The following DMRT1 variants were observed in gnomAD, a reference collection of about 807,000 sequenced individuals.
DMRT1 encodes doublesex and mab-3 related transcription factor 1.
DMRT1 carries 7 observed loss-of-function variants against 32.3 expected under a neutral mutation model. The observed-to-expected ratio is 0.22, with a 90% CI of 0.12 to 0.41. The LOEUF is 0.41. Among genes scored for constraint, DMRT1 ranks in the 10% least tolerant of loss-of-function variants. DMRT1 has a pLI of 1.00. For missense variants in DMRT1, 625 were observed against 500.5 expected, an observed-to-expected ratio of 1.25 and a Z score of -2.37; for synonymous variants, 278 against 206.1, an observed-to-expected ratio of 1.35 and a Z score of -2.99.
chr9:889,086 C>A (rs1039569027), intron 2 of DMRT1, among the ~76,000 whole-genome samples: 3 of 152,046 alleles, frequency 2.0e-5, no homozygotes, highest in African/African-American at 7.2e-5. Flanking sequence ...TCTTTACGTT[C>A]CCAGGTAATG....
Position 965,812 on chromosome 9 carries a change from G to A in DMRT1, c.968-2173G>A, listed in dbSNP as rs1760552761. Among the ~76,000 whole-genome samples the A allele has an allele frequency of 6.6e-6, 1 of 152,206 alleles. No individual in the cohort carries two copies. Among genetic ancestry groups the A allele is most frequent in the Non-Finnish European group, 1.5e-5 (1 of 68,032 alleles). On this transcript the variant is annotated intron_variant, in intron 4 of 4. Coordinates refer to ENST00000382276, the MANE Select transcript of DMRT1 (RefSeq NM_021951.3). The surrounding 1 kb of genome is among the most constrained non-coding windows in gnomAD (Gnocchi z 4.5). ...AAGGTTGGTGCAGGGGCCAGAGCAC[G>A]CCAGAGTCAGCCTAATCAGTACAGT... is the stretch of plus-strand genomic sequence containing the variant.
At chr9:936,291 C>CAT (rs1280050910) in intron 4 of DMRT1, among the ~76,000 whole-genome samples, 2 of 152,098 alleles carry the variant, frequency 1.3e-5, no homozygotes, top group Admixed American at 1.3e-4. Flanking sequence ...CTTGGTAGGA[C>CAT]ATAGATATTG....
At chr9:887,487 C>A (rs1816977056) in intron 2 of DMRT1, among the ~76,000 whole-genome samples, 1 of 152,314 alleles carries the variant, frequency 6.6e-6, no homozygotes, top group Admixed American at 6.5e-5. Flanking sequence ...CATTCACATT[C>A]AGGGTCTTCA....
At chr9:861,961 G>A (rs1213340742) in intron 2 of DMRT1, among the ~76,000 whole-genome samples, 4 of 150,744 alleles carry the variant, frequency 2.7e-5, no homozygotes, top group African/African-American at 4.9e-5. Flanking sequence ...GGGCAGAGAC[G>A]CTCCTCACTT....
At chr9:953,170 C>T (rs886210851) in intron 4 of DMRT1, among the ~76,000 whole-genome samples, 13 of 152,254 alleles carry the variant, frequency 8.5e-5, no homozygotes, top group Admixed American at 2.0e-4. Flanking sequence ...ATCTTGTTTA[C>T]ATTTTCAGTC....
intron 2 of DMRT1, among the ~76,000 whole-genome samples, chr9:862,252 C>A (rs1315474734): frequency 6.6e-6 from 1 of 152,130 alleles, no homozygotes; most frequent in Non-Finnish European, 1.5e-5. Context: ...GCACTCCCGG[C>A]ACCTCGGGAG....
chr9:931,743 G>C (rs191779116), intron 4 of DMRT1, among the ~76,000 whole-genome samples: 2 of 152,186 alleles, frequency 1.3e-5, no homozygotes, highest in East Asian at 1.9e-4. Flanking sequence ...GTCTTAGAGA[G>C]TATGACCTCA....
At chr9:864,569 G>A (rs1017621041) in intron 2 of DMRT1, among the ~76,000 whole-genome samples, 13 of 145,212 alleles carry the variant, frequency 9.0e-5, no homozygotes, top group Admixed American at 8.8e-4. Flanking sequence ...TGCGATCTCG[G>A]CTCACTGCAA....
intron 4 of DMRT1, among the ~76,000 whole-genome samples, chr9:922,578 G>T (rs1383601501): frequency 6.6e-6 from 1 of 152,202 alleles, no homozygotes; most frequent in Non-Finnish European, 1.5e-5. Context: ...GGAGTACGTG[G>T]TTGGTCGACA....
intron 2 of DMRT1, among the ~76,000 whole-genome samples, chr9:863,101 G>A (rs1052026963): frequency 6.8e-6 from 1 of 146,780 alleles, no homozygotes; most frequent in Non-Finnish European, 1.5e-5. Context: ...GATTGCTTAA[G>A]CTCAGGAGTT....
chr9:897,009 C>T (rs1271643778), intron 3 of DMRT1, among the ~76,000 whole-genome samples: 1 of 151,928 alleles, frequency 6.6e-6, no homozygotes, highest in Non-Finnish European at 1.5e-5. Context: ...GATCTGACTT[C>T]TTGGGCATAT....
chr9:935,506 C>G (rs552548167), intron 4 of DMRT1, among the ~76,000 whole-genome samples: 8 of 152,330 alleles, frequency 5.3e-5, no homozygotes, highest in Middle Eastern at 3.4e-3. Flanking sequence ...GACTCCAGTG[C>G]TAAGCACTTT....
intron 4 of DMRT1, among the ~76,000 whole-genome samples, chr9:922,379 G>A (rs185296449): frequency 7.5e-4 from 114 of 152,292 alleles, no homozygotes; most frequent in African/African-American, 2.6e-3. Context: ...AGTAACAGAT[G>A]CAAGCTGTTC....
chr9:852,028 C>G (rs1010159257), intron 2 of DMRT1, among the ~76,000 whole-genome samples: 1 of 151,344 alleles, frequency 6.6e-6, no homozygotes, highest in African/African-American at 2.4e-5. Context: ...CAACCTCTGC[C>G]TCCTGGGTTC....
intron 3 of DMRT1, among the ~76,000 whole-genome samples, chr9:895,934 A>C (rs1817340605): frequency 6.6e-6 from 1 of 150,460 alleles, no homozygotes; most frequent in Non-Finnish European, 1.5e-5. Context: ...CCTCCCGAGT[A>C]GCTGGGACTA....
chr9:853,093 T>C (rs946685395), intron 2 of DMRT1, among the ~76,000 whole-genome samples: 2 of 152,208 alleles, frequency 1.3e-5, no homozygotes, highest in Non-Finnish European at 2.9e-5. Flanking sequence ...AACAATTTTT[T>C]AGAGCAGTTT....
chr9:909,284 G>T (rs1187891610), intron 3 of DMRT1, among the ~76,000 whole-genome samples: 5 of 152,144 alleles, frequency 3.3e-5, no homozygotes, highest in Admixed American at 6.5e-5. Context: ...TGAAATGTGT[G>T]CATAATAGCA....
intron 4 of DMRT1, among the ~76,000 whole-genome samples, chr9:960,440 C>G (rs1819734676): frequency 6.6e-6 from 1 of 152,208 alleles, no homozygotes; most frequent in Non-Finnish European, 1.5e-5. Context: ...AGAGTATAGG[C>G]TTCTGCCAGA....
Position 842,106 on chromosome 9 carries a change from G to A in DMRT1, c.268G>A (p.Gly90Ser). 1 of 1,548,188 alleles carries A rather than the reference G, an allele frequency of 6.5e-7. No individual in the cohort carries two copies. Residue 90 changes from glycine (G) to serine (S), a missense_variant, in exon 1 of 5, where the codon GGC (glycine) becomes AGC (serine). Physicochemically the swap from Gly to Ser is moderately conservative, Grantham distance 56. Transcript: ENST00000382276. ...CCACGGCTACGCCTCGCCGCTCAAG[G>A]GCCACAAGCGCTTCTGCATGTGGCG... The part of the protein sequence containing the change: ...RNHGYASPLK[G>S]HKRFCMWRDC...
Sources: allele counts gnomAD v4.1 joint callset (sites outside exome capture counted in the v4.1 genomes callset), GRCh38; gene constraint gnomAD v4.1.1; non-coding constraint Gnocchi (gnomAD v3.1); transcripts MANE v1.5; gene names NCBI Gene and HGNC (gene_info 2026-07-23, HGNC 2026-07-21).